The following WWOX variants were observed in gnomAD, a reference collection of about 807,000 sequenced individuals.
The protein encoded by WWOX is WW domain-containing oxidoreductase.
A neutral mutation model predicts 46.2 loss-of-function variants in WWOX; 69 were observed. The ratio of observed to expected loss-of-function variants is 1.49; its 90% CI spans 1.23 to 1.82. WWOX has a LOEUF of 1.82. WWOX is among the 40% of genes most tolerant of loss of function. The pLI is 0.00. For missense variants in WWOX, 919 were observed against 542.6 expected (o/e 1.69, Z -6.89); for synonymous variants, 359 against 202.6 (o/e 1.77, Z -6.56).
At chr16:78,868,566 C>T (rs1465674042) in intron 8 of WWOX, among the ~76,000 whole-genome samples, 1 of 152,100 alleles carries the variant, frequency 6.6e-6, no homozygotes, top group African/African-American at 2.4e-5. Flanking sequence ...ATTCCAGGAC[C>T]ATTAAATCAG....
In WWOX at chr16:78,471,764, C is replaced by G. The variant is rs1451515313; in HGVS notation, c.1056+39012C>G. Among the ~76,000 whole-genome samples the G allele has an allele frequency of 2.6e-5, 4 of 152,150 alleles. No individual in the cohort carries two copies. The South Asian group carries it at 6.2e-4, about 24-fold the overall frequency. On this transcript the variant is annotated intron_variant, in intron 8 of 8. Transcript: ENST00000566780. ...TGGCCTGAACTAGGCTAGAGTTTCT[C>G]TTAATCAAAATAATAACGATGATTT...
intron 8 of WWOX, among the ~76,000 whole-genome samples, chr16:78,619,436 C>G (rs1051943489): frequency 6.8e-6 from 1 of 147,004 alleles, no homozygotes; most frequent in Non-Finnish European, 1.5e-5. Context: ...CAAATTTGTA[C>G]ACACTGCATG....
chr16:78,722,221 T>C (rs984877935), intron 8 of WWOX, among the ~76,000 whole-genome samples: 2 of 152,134 alleles, frequency 1.3e-5, no homozygotes, highest in Non-Finnish European at 2.9e-5. Context: ...CCTGTAGTAG[T>C]TATGGTCACT....
chr16:78,676,304 C>G (rs918331780), intron 8 of WWOX, among the ~76,000 whole-genome samples: 1 of 152,036 alleles, frequency 6.6e-6, no homozygotes, highest in African/African-American at 2.4e-5. Flanking sequence ...AAGCGAGGGT[C>G]TCAGACTTTG....
At chr16:78,780,660 C>G (rs906987713) in intron 8 of WWOX, among the ~76,000 whole-genome samples, 1 of 152,122 alleles carries the variant, frequency 6.6e-6, no homozygotes, top group Non-Finnish European at 1.5e-5. Context: ...GAATCAAAAA[C>G]AGTGCAAGCG....
At chr16:78,706,830 T>G (rs2048337647) in intron 8 of WWOX, among the ~76,000 whole-genome samples, 2 of 152,090 alleles carry the variant, frequency 1.3e-5, no homozygotes, top group African/African-American at 4.8e-5. Context: ...CAGATCTCAC[T>G]TTATCACCCA....
chr16:79,144,472 C>G (rs555098189), intron 8 of WWOX, among the ~76,000 whole-genome samples: 1 of 152,220 alleles, frequency 6.6e-6, no homozygotes, highest in East Asian at 1.9e-4. Context: ...ATAATAATGT[C>G]CATGAAAAGA....
At chr16:78,807,561 C>G (rs1041491876) in intron 8 of WWOX, among the ~76,000 whole-genome samples, 1 of 152,180 alleles carries the variant, frequency 6.6e-6, no homozygotes, top group African/African-American at 2.4e-5. Flanking sequence ...AAACCTGATT[C>G]AAATGTGGCA....
chr16:78,828,203 C>T (rs2051716286), intron 8 of WWOX, among the ~76,000 whole-genome samples: 6 of 152,134 alleles, frequency 3.9e-5, no homozygotes, highest in Admixed American at 3.9e-4. Context: ...GGGCTGAGGA[C>T]TTCAAGACCT....
chr16:78,709,804 C>T (rs2048401114), intron 8 of WWOX, among the ~76,000 whole-genome samples: 1 of 151,564 alleles, frequency 6.6e-6, no homozygotes, highest in Admixed American at 6.6e-5. Flanking sequence ...TCTCAGCTCA[C>T]TGCAACCTCC....
intron 4 of WWOX, among the ~76,000 whole-genome samples, chr16:78,136,642 C>G (rs1253011894): frequency 6.6e-6 from 1 of 152,186 alleles, no homozygotes; most frequent in Admixed American, 6.5e-5. Context: ...CTAGAGAAAT[C>G]TAAGCACAGG....
intron 8 of WWOX, among the ~76,000 whole-genome samples, chr16:78,931,712 G>A (rs1007271947): frequency 6.6e-6 from 1 of 152,212 alleles, no homozygotes. Context: ...TTTTCCAACT[G>A]TTCACAGAGG....
chr16:78,729,953 G>A (rs1276729874), intron 8 of WWOX, among the ~76,000 whole-genome samples: 2 of 152,088 alleles, frequency 1.3e-5, no homozygotes, highest in African/African-American at 2.4e-5. Context: ...CAGAGCAATC[G>A]AAGGTCATAG....
intron 8 of WWOX, among the ~76,000 whole-genome samples, chr16:79,036,139 C>A (rs1426282914): frequency 1.3e-5 from 2 of 152,174 alleles, no homozygotes; most frequent in African/African-American, 2.4e-5. Flanking sequence ...CTATGAAATA[C>A]CTTGGATTTA....
chr16:78,432,514 G>A lies in WWOX; in HGVS notation c.818G>A (p.Gly273Glu), dbSNP rs756228469. The A allele has an allele frequency of 3.1e-6, 5 of 1,613,398 alleles. No homozygotes were observed. In the Admixed American group the frequency reaches 5.0e-5, roughly 16 times the overall value. Residue 273 changes from glycine to glutamate, a missense_variant, in exon 8 of 9, where the codon GGA (glycine) becomes GAA (glutamate). Coordinates refer to ENST00000566780, the MANE Select transcript of WWOX (RefSeq NM_016373.4). The stretch of plus-strand genomic sequence containing the variant: ...TTTACAGATATTAACGACTCCTTGG[G>A]AAAACTGGACTTCAGTCGCCTCTCT... ...HRFTDINDSL[G>E]KLDFSRLSPT... is the part of the protein sequence containing the mutation.
At chr16:78,803,591 G>C (rs2050952171) in intron 8 of WWOX, among the ~76,000 whole-genome samples, 1 of 152,036 alleles carries the variant, frequency 6.6e-6, no homozygotes, top group Non-Finnish European at 1.5e-5. Flanking sequence ...AGAACCACAG[G>C]CATATACCAC....
chr16:79,169,797 C>T lies in WWOX; in HGVS notation c.1057-41811C>T, dbSNP rs769314583. Among the ~76,000 whole-genome samples, 9 of 152,180 alleles carry T rather than the reference C, an allele frequency of 5.9e-5. 1 individual carries two copies. Among genetic ancestry groups the T allele is most frequent in the Non-Finnish European group, 1.2e-4 (8 of 68,038 alleles). On this transcript the variant is annotated intron_variant, in intron 8 of 8. Coordinates refer to ENST00000566780, the MANE Select transcript of WWOX (RefSeq NM_016373.4). ...ACTCTAGGGACTACCCTTTTCCTCC[C>T]CAGACGTTTTTCCTGACTCTAAATA...
At chr16:79,020,687 A>G (rs2047515534) in intron 8 of WWOX, among the ~76,000 whole-genome samples, 1 of 152,166 alleles carries the variant, frequency 6.6e-6, no homozygotes, top group South Asian at 2.1e-4. Context: ...AAAAGAAGGG[A>G]GAGTGTGGTG....
intron 8 of WWOX, among the ~76,000 whole-genome samples, chr16:78,945,478 G>C (rs574462031): frequency 5.3e-5 from 8 of 152,082 alleles, no homozygotes; most frequent in Admixed American, 5.2e-4. Flanking sequence ...AAAGTTTTGG[G>C]GTTTGTTTTG....
Sources: allele counts gnomAD v4.1 joint callset (sites outside exome capture counted in the v4.1 genomes callset), GRCh38; gene constraint gnomAD v4.1.1; transcripts MANE v1.5; gene names NCBI Gene and HGNC (gene_info 2026-07-23, HGNC 2026-07-21).